Variants in POLE observed in about 807,000 individuals in gnomAD.
POLE encodes the protein DNA polymerase epsilon catalytic subunit A.
POLE carries 188 observed loss-of-function variants against 279.2 expected under a neutral mutation model. That is an observed-to-expected ratio of 0.67 (90% CI 0.60 to 0.76). The LOEUF is 0.76. Ranked by LOEUF, POLE falls within the 30% of genes least tolerant of loss-of-function variation. The pLI is 0.00. For missense variants in POLE, 2,703 were observed against 3,016.7 expected (o/e 0.90, Z 2.44); for synonymous variants, 1,214 against 1,172.5 (o/e 1.04, Z -0.72).
In POLE at chr12:132,634,745, C is replaced by G. The variant is rs1279995937; in HGVS notation, c.5812-367G>C. Among the ~76,000 whole-genome samples the G allele has an allele frequency of 6.6e-6, 1 of 152,150 alleles. No individual in the cohort carries two copies. The highest frequency in any genetic ancestry group is 1.5e-5 in the Non-Finnish European group (1 of 68,010). On this transcript the variant is annotated intron_variant, in intron 42 of 48. Coordinates refer to ENST00000320574, the MANE Select transcript of POLE (RefSeq NM_006231.4). This position sits in a 1 kb window ranked among gnomAD's most constrained non-coding sequence, Gnocchi z 4.0. ...ATGAATCTCCTGGGACGGCACGACCCCATCACAGACCCAGCCTCCCGCGCA... is the reference window on the plus strand; with the variant it reads ...ATGAATCTCCTGGGACGGCACGACCGCATCACAGACCCAGCCTCCCGCGCA...
chr12:132,661,234 CCT>C lies in POLE; in HGVS notation c.2865-72_2865-71del. The C allele has an allele frequency of 7.3e-7, 1 of 1,376,802 alleles. No individual in the cohort carries two copies. The allele number at this position is 1,376,802 out of a possible 1,614,324, so 85.3% of individuals were successfully genotyped here. A position where few individuals can be genotyped will look rare whatever the true frequency, so the allele number is the denominator to read the frequency against. On this transcript the variant is annotated intron_variant, in intron 24 of 48. Transcript: ENST00000320574. The surrounding 1 kb of genome is among the most constrained non-coding windows in gnomAD (Gnocchi z 4.1). ...TGGGGAGCCACCAGCTGTGCCTCAT[CCT>C]CTCTGCCCGCCTCTTCCCTTTCCAA... is the stretch of plus-strand genomic sequence containing the variant.
rs759554273 is a variant in POLE, at chr12:132,672,340, C to T, written c.1687-18G>A. 5.0e-6 allele frequency: 8 copies of T among 1,599,334 alleles called. No individual in the cohort carries two copies. The highest frequency in any genetic ancestry group is 4.4e-5 in the South Asian group (4 of 90,772). On this transcript the variant is annotated intron_variant, in intron 15 of 48. Transcript: ENST00000320574. ...GCAGGATTCTAGCACAACAGTGAGA[C>T]GACGGGGTCAGAGGGGAAACACACC...
rs201746181 is a variant in POLE at position 132,649,031 on chromosome 12, C to T, written c.4047G>A (p.Ala1349=). 7.2e-5 allele frequency: 116 copies of T among 1,613,646 alleles called. No individual in the cohort carries two copies. Among genetic ancestry groups the T allele is most frequent in the Middle Eastern group, 3.3e-4 (2 of 6,044 alleles). The change falls in exon 32 of 49, where the codon GCG becomes GCA. Residue 1349 remains alanine (A), a synonymous_variant. Coordinates refer to ENST00000320574, the MANE Select transcript of POLE (RefSeq NM_006231.4). ...TSQAGLFRLW[A]LVGSDLHCIR... ...TGCAGTGCAAGTCACTGCCAACGAG[C>T]GCCCACAGCCTGAACAGGCCGGCCT...
In POLE at chr12:132,643,406, C is replaced by T. The variant is rs1593734374; in HGVS notation, c.4444+1G>A. ...TGATGGGCGGCTGGTGCAGGCCATA[C>T]CTGGTTCCAGGTAGCTGAACTGGGC... On this transcript the variant is annotated splice_donor_variant, in intron 34 of 48. Transcript: ENST00000320574. LOFTEE classifies it high-confidence loss of function. 1 of 1,614,224 alleles carries T rather than the reference C, an allele frequency of 6.2e-7. No individual in the cohort carries two copies. The highest frequency in any genetic ancestry group is 2.2e-5 in the East Asian group (1 of 44,878).
chr12:132,680,710 A>G, intron 2 of POLE, 23 bp from the exon 3 acceptor site: 1 of 1,567,722 alleles, frequency 6.4e-7, no homozygotes, highest in Non-Finnish European at 8.8e-7. Flanking sequence ...CAGTCAACAC[A>G]GACACAAGAC....
intron 12 of POLE, among the ~76,000 whole-genome samples, chr12:132,674,491 G>A (rs2042998856): frequency 6.6e-6 from 1 of 152,056 alleles, no homozygotes; most frequent in Non-Finnish European, 1.5e-5. Context: ...ATCGGTAGCA[G>A]GGTCACCTCC....
At chr12:132,640,075 T>C (rs1565934211) in intron 39 of POLE, among the ~76,000 whole-genome samples, 1 of 152,020 alleles carries the variant, frequency 6.6e-6, no homozygotes, top group Non-Finnish European at 1.5e-5. Flanking sequence ...GGCTGGGCCC[T>C]GCCTTCCCGC....
rs75124341 is a variant in POLE at position 132,658,167 on chromosome 12, C to T, written c.3276-197G>A. 1,755 of 528,278 alleles carry T rather than the reference C, an allele frequency of 3.3e-3. 23 individuals carry two copies. Among genetic ancestry groups the T allele is most frequent in the African/African-American group, 0.031 (1,599 of 52,086 alleles). The allele number at this position is 528,278 out of a possible 1,614,324, so 32.7% of individuals were successfully genotyped here. On this transcript the variant is annotated intron_variant, in intron 26 of 48. Transcript: ENST00000320574. ...GGAGTAACACGTGCGTATGTGTAAA[C>T]ACGTGCGTGTGTGCACGTAAACATG...
intron 29 of POLE, among the ~76,000 whole-genome samples, chr12:132,653,688 A>G (rs1050365430): frequency 3.9e-5 from 6 of 152,218 alleles, no homozygotes; most frequent in Non-Finnish European, 8.8e-5. Flanking sequence ...TATGCTGGCT[A>G]GGATCTCCAA....
Position 132,625,672 on chromosome 12 carries a change from C to T in POLE, c.6630G>A (p.Lys2210=), listed in dbSNP as rs1555301066. ...EMTLVEVLQK[K]LMAFTLQDLV... is the part of the protein sequence containing the mutation. ...GGTCCTGCAGGGTGAAGGCCATCAG[C>T]TTCTTCTGTAGAACTTCCACCAGCG... Residue 2210 remains lysine, a synonymous_variant, in exon 47 of 49, where the codon AAG becomes AAA. Coordinates refer to ENST00000320574, the MANE Select transcript of POLE (RefSeq NM_006231.4). The T allele has an allele frequency of 6.2e-7, 1 of 1,613,834 alleles. No individual in the cohort carries two copies. The highest frequency in any genetic ancestry group is 8.5e-7 in the Non-Finnish European group (1 of 1,180,036).
chr12:132,641,983 C>G, intron 38 of POLE, 132 bp from the exon 39 acceptor site: 1 of 963,268 alleles, frequency 1.0e-6, no homozygotes. Flanking sequence ...TCACACCTGC[C>G]AGGCTATTCA....
intron 1 of POLE, among the ~76,000 whole-genome samples, chr12:132,682,440 C>T (rs1023664336): frequency 2.0e-5 from 3 of 151,456 alleles, no homozygotes; most frequent in African/African-American, 4.9e-5. Context: ...GCCAAGATTG[C>T]GCCACTGCAC....
intron 29 of POLE, among the ~76,000 whole-genome samples, chr12:132,654,526 C>T (rs2042491128): frequency 2.6e-5 from 4 of 152,066 alleles, no homozygotes; most frequent in Admixed American, 2.6e-4. Flanking sequence ...TTTTTTTAGG[C>T]TTTACTATAT....
In POLE at chr12:132,675,443, T is replaced by C. The variant is rs1014444345; in HGVS notation, c.1181A>G (p.Gln394Arg). Reference protein sequence around the residue: ...QQEIGFQKDSQGEYKAPQCIH... With the variant: ...QQEIGFQKDSRGEYKAPQCIH... ...GCACTGGGGCGCCTTGTACTCCCCC[T>C]GGCTGTCCTTCTGGAAGCCTATCTC... Residue 394 changes from glutamine (Q) to arginine (R), a missense_variant, in exon 12 of 49, where the codon CAG (glutamine) becomes CGG (arginine). By Grantham distance (43) the Gln-to-Arg change is conservative. This residue lies in a region of POLE where 1,011 missense variants were observed against 1,111.7 expected (regional missense o/e 0.91). Coordinates refer to ENST00000320574, the MANE Select transcript of POLE (RefSeq NM_006231.4). This position sits in a 1 kb window ranked among gnomAD's most constrained non-coding sequence, Gnocchi z 4.3. The C allele has an allele frequency of 3.1e-6, 5 of 1,614,066 alleles. No individual in the cohort carries two copies. The African/African-American group carries it at 5.3e-5, about 17-fold the overall frequency.
intron 45 of POLE, among the ~76,000 whole-genome samples, chr12:132,628,296 C>T (rs544104908): frequency 2.5e-4 from 38 of 151,734 alleles, no homozygotes; most frequent in East Asian, 1.6e-3. Context: ...GCCAAGATCG[C>T]GCCACTGCAC....
At chr12:132,683,554 G>T (rs887078703) in intron 1 of POLE, among the ~76,000 whole-genome samples, 2 of 152,142 alleles carry the variant, frequency 1.3e-5, no homozygotes, top group African/African-American at 2.4e-5. Flanking sequence ...TATAATAAAG[G>T]TTTAATCTTT....
chr12:132,677,891 G>C (rs961925742), intron 6 of POLE, among the ~76,000 whole-genome samples, 172 bp from the exon 7 acceptor site: 1 of 152,166 alleles, frequency 6.6e-6, no homozygotes, highest in African/African-American at 2.4e-5. Context: ...GAATGGCTTG[G>C]ACTGGGCCAG....
At chr12:132,648,695 AC>A (rs1220785870) in intron 32 of POLE, 2 of 460,410 alleles carry the variant, frequency 4.3e-6, no homozygotes, top group Non-Finnish European at 7.7e-6. Context: ...TGTCCCCGCA[AC>A]ATGGACCTCG....
In POLE at chr12:132,668,818, C is replaced by T. The variant is rs754616313; in HGVS notation, c.1916G>A (p.Arg639His). 3.7e-6 allele frequency: 6 copies of T among 1,614,068 alleles called. No homozygotes were observed. Among genetic ancestry groups the T allele is most frequent in the South Asian group, 1.1e-5 (1 of 91,070 alleles). The change falls in exon 17 of 49, where the codon CGC becomes CAC. Residue 639 changes from arginine (R) to histidine (H), a missense_variant. Around this residue, in one of 5 missense-constraint regions of POLE, gnomAD observed 1,011 missense variants for 1,111.7 expected, o/e 0.91. Transcript: ENST00000320574. The surrounding 1 kb of genome is among the most constrained non-coding windows in gnomAD (Gnocchi z 4.0). ...CGGGAAGTAAAGTCTCACCTGCAGG[C>T]GGTTGGTCAGGATGATGTTGGGGTA... is the stretch of plus-strand genomic sequence containing the variant. ...AMYPNIILTNRLQPSAMVDEA... is the reference protein window; with the variant it reads ...AMYPNIILTNHLQPSAMVDEA...
Sources: gnomAD v4.1 joint callset for allele counts (sites outside exome capture counted in the v4.1 genomes callset) on GRCh38, gnomAD v4.1.1 for gene constraint, gnomAD v4.1.1 regional missense constraint, Gnocchi (gnomAD v3.1) non-coding constraint, MANE v1.5 for transcripts, NCBI Gene and HGNC (gene_info 2026-07-23, HGNC 2026-07-21) for gene names.